The following TIMM9 variants were observed in gnomAD, a reference collection of about 807,000 sequenced individuals.
The protein encoded by TIMM9 is mitochondrial import inner membrane translocase subunit Tim9.
TIMM9 carries 10 observed loss-of-function variants against 13.4 expected under a neutral mutation model. The observed-to-expected ratio is 0.75, with a 90% confidence interval of 0.46 to 1.26. TIMM9 has a LOEUF of 1.26. Among genes scored for constraint, TIMM9 ranks in the 50% most tolerant of loss-of-function variants. TIMM9 has a pLI of 0.00. For synonymous variants in TIMM9, 32 were observed against 32.1 expected, an observed-to-expected ratio of 1.00 and a Z score of 0.01; for missense variants, 87 against 100.8, an observed-to-expected ratio of 0.86 and a Z score of 0.58.
rs1595043351 is a variant in TIMM9 at position 58,427,098 on chromosome 14, T to G, written c.-159A>C. ...TCCGACATCAGTACAAGGCTGGGGG[T>G]TGTTGGGGGACGGTTGAGCCTTGGG... On this transcript the variant is annotated 5_prime_UTR_variant, in exon 2 of 6. Transcript: ENST00000395159. The G allele has an allele frequency of 6.3e-6, 1 of 158,702 alleles. No individual in the cohort carries two copies. 9.8% of individuals were successfully genotyped at this position (158,702 alleles called of 1,614,324 possible). A position where few individuals can be genotyped will look rare whatever the true frequency, so the allele number is the denominator to read the frequency against.
intron 5 of TIMM9, among the ~76,000 whole-genome samples, chr14:58,410,552 C>G (rs1303271083): frequency 6.6e-6 from 1 of 152,182 alleles, no homozygotes; most frequent in Admixed American, 6.5e-5. Context: ...CTAGGTAGGC[C>G]ATCTTGGCTG....
At chr14:58,420,813 A>C (rs1418724124) in intron 3 of TIMM9, among the ~76,000 whole-genome samples, 11 of 134,780 alleles carry the variant, frequency 8.2e-5, no homozygotes, top group Non-Finnish European at 1.3e-4. Context: ...AAAAAAAAAA[A>C]CAAGCTATAT....
In TIMM9 at chr14:58,419,495, AC is replaced by A. The variant is rs1566752409; in HGVS notation, c.-27+4512del. Among the ~76,000 whole-genome samples the A allele has an allele frequency of 8.0e-4, 121 of 150,878 alleles. 1 individual carries two copies. Among genetic ancestry groups the A allele is most frequent in the African/African-American group, 2.3e-3 (93 of 41,048 alleles). On this transcript the variant is annotated intron_variant, in intron 3 of 5. Coordinates refer to ENST00000395159, the MANE Select transcript of TIMM9 (RefSeq NM_012460.4). ...CACACACACACACACACACACACAC[AC>A]ACACACACAAACACATACACACACA...
At chr14:58,423,186 C>G (rs1428576288) in intron 3 of TIMM9, among the ~76,000 whole-genome samples, 2 of 151,886 alleles carry the variant, frequency 1.3e-5, no homozygotes, top group African/African-American at 4.8e-5. Context: ...CTGCTTAAAT[C>G]TCTAAAGCTA....
chr14:58,423,231 GTA>G (rs913281279), intron 3 of TIMM9, among the ~76,000 whole-genome samples: 20 of 151,566 alleles, frequency 1.3e-4, no homozygotes, highest in Admixed American at 2.0e-4. Flanking sequence ...CAAGATTACG[GTA>G]TAGGCCAGGC....
rs2036109032 is a variant in TIMM9 at position 58,408,622 on chromosome 14, T to C, written c.*412A>G. On this transcript the variant is annotated 3_prime_UTR_variant, in exon 6 of 6. Transcript: ENST00000395159. ...TATCCACAGTCCAGTGAGAATACTA[T>C]GGTACCATACAGTATAAACAACTGC... The C allele has an allele frequency of 6.3e-6, 10 of 1,588,538 alleles. No individual in the cohort carries two copies. In the East Asian group the frequency reaches 2.2e-4, roughly 36 times the overall value.
chr14:58,421,779 A>G (rs1318665168), intron 3 of TIMM9, among the ~76,000 whole-genome samples: 1 of 152,114 alleles, frequency 6.6e-6, no homozygotes, highest in Non-Finnish European at 1.5e-5. Flanking sequence ...GTTTTGTGAG[A>G]ACTTGAAAAA....
intron 4 of TIMM9, among the ~76,000 whole-genome samples, chr14:58,411,608 C>T (rs1417299803): frequency 6.6e-6 from 1 of 151,630 alleles, no homozygotes; most frequent in Non-Finnish European, 1.5e-5. Context: ...GCCACGATCT[C>T]GGCTCACTGC....
chr14:58,422,710 TTC>T (rs2036624480), intron 3 of TIMM9, among the ~76,000 whole-genome samples: 3 of 152,176 alleles, frequency 2.0e-5, no homozygotes, highest in Non-Finnish European at 2.9e-5. Flanking sequence ...CAAAAGATAG[TTC>T]TACCATTCAC....
rs1254167750 is a variant in TIMM9, at chr14:58,423,290, G to C, written c.-27+718C>G. ...CCCAGCACATTGGGAGGCCAAGGCG[G>C]GTGGATCATTTGAGGTCAGGAGTTT... On this transcript the variant is annotated intron_variant, in intron 3 of 5. Coordinates refer to ENST00000395159, the MANE Select transcript of TIMM9 (RefSeq NM_012460.4). 2.0e-5 allele frequency among the ~76,000 whole-genome samples: 3 copies of C among 151,532 alleles called. No individual in the cohort carries two copies. The East Asian group carries it at 5.9e-4, about 30-fold the overall frequency.
rs145238956 is a variant in TIMM9, at chr14:58,420,750, G to A, written c.-27+3258C>T. ...GGAGGTTGCAGTGAGCCGGGATCAC[G>A]CCACTGCACTCCAACCTGGGTGACG... On this transcript the variant is annotated intron_variant, in intron 3 of 5. Transcript: ENST00000395159. Among the ~76,000 whole-genome samples, 87 of 133,814 alleles carry A rather than the reference G, an allele frequency of 6.5e-4. 1 individual carries two copies. The East Asian group carries it at 0.018, about 28-fold the overall frequency. The allele number at this position is 133,814 out of a possible 152,430, so 87.8% of individuals were successfully genotyped here.
At chr14:58,418,296 G>A (rs549278136) in intron 3 of TIMM9, among the ~76,000 whole-genome samples, 1 of 151,946 alleles carries the variant, frequency 6.6e-6, no homozygotes, top group South Asian at 2.1e-4. Context: ...AAATATCTCA[G>A]AAAAAAAGGA....
At chr14:58,419,765 T>G (rs2036534454) in intron 3 of TIMM9, among the ~76,000 whole-genome samples, 1 of 149,442 alleles carries the variant, frequency 6.7e-6, no homozygotes, top group Non-Finnish European at 1.5e-5. Flanking sequence ...ACAAAAAAAA[T>G]TTTAGCTGGG....
chr14:58,411,402 C>T (rs1045647700), intron 4 of TIMM9, among the ~76,000 whole-genome samples: 2 of 151,310 alleles, frequency 1.3e-5, no homozygotes, highest in African/African-American at 2.4e-5. Flanking sequence ...GAACCAAGAT[C>T]GTGCCACTGC....
At chr14:58,416,286 A>T (rs2036406919) in intron 3 of TIMM9, among the ~76,000 whole-genome samples, 1 of 152,164 alleles carries the variant, frequency 6.6e-6, no homozygotes, top group Non-Finnish European at 1.5e-5. Flanking sequence ...AGCCATTGAA[A>T]GCAGCAAGTG....
intron 3 of TIMM9, among the ~76,000 whole-genome samples, chr14:58,417,042 G>C (rs1001711797): frequency 6.6e-6 from 1 of 152,124 alleles, no homozygotes; most frequent in Admixed American, 6.6e-5. Context: ...TCTCATGATA[G>C]TGAATAAGTC....
chr14:58,408,567 GGAT>G lies in TIMM9; in HGVS notation c.*464_*466del, dbSNP rs765970342. ...ACATGAATGAACAGGACTGCTTGGA[GGAT>G]GATCCTGATTGAAAAACATTTCAAC... is the stretch of plus-strand genomic sequence containing the variant. On this transcript the variant is annotated 3_prime_UTR_variant, in exon 6 of 6. Transcript: ENST00000395159. 6.2e-7 allele frequency: 1 copy of G among 1,614,062 alleles called. No individual in the cohort carries two copies. The highest frequency in any genetic ancestry group is 1.7e-5 in the Admixed American group (1 of 59,998).
chr14:58,414,564 C>T (rs1279458897), intron 3 of TIMM9, among the ~76,000 whole-genome samples: 3 of 151,642 alleles, frequency 2.0e-5, no homozygotes, highest in East Asian at 1.9e-4. Flanking sequence ...ATAGTGAAAC[C>T]GCATCTCTAC....
At chr14:58,410,539 T>C (rs925850981) in intron 5 of TIMM9, among the ~76,000 whole-genome samples, 2 of 152,222 alleles carry the variant, frequency 1.3e-5, no homozygotes, top group African/African-American at 2.4e-5. Flanking sequence ...GTGCCAAGTT[T>C]CTCTAGGTAG....
Sources: allele counts gnomAD v4.1 joint callset (sites outside exome capture counted in the v4.1 genomes callset), GRCh38; gene constraint gnomAD v4.1.1; transcripts MANE v1.5; gene names NCBI Gene and HGNC (gene_info 2026-07-23, HGNC 2026-07-21).